UBXN7: variants seen among roughly 807,000 people sequenced by gnomAD.
The protein encoded by UBXN7 is UBX domain-containing protein 7.
In UBXN7, 9 loss-of-function variants were observed where a neutral mutation model predicts 58.0. The ratio of observed to expected loss-of-function variants is 0.16; its 90% CI spans 0.09 to 0.27. UBXN7 has a LOEUF of 0.27. Ranked by LOEUF, UBXN7 falls within the 10% of genes least tolerant of loss-of-function variation. UBXN7 has a pLI of 1.00. For missense variants in UBXN7, 328 were observed against 599.6 expected (o/e 0.55, Z 4.73); for synonymous variants, 208 against 205.0 (o/e 1.01, Z -0.12).
chr3:196,427,303 G>A (rs1730879805), intron 1 of UBXN7, among the ~76,000 whole-genome samples: 2 of 152,128 alleles, frequency 1.3e-5, no homozygotes, highest in African/African-American at 2.4e-5. Context: ...GTCTCGCTCT[G>A]TGCTCGCTTC....
At chr3:196,381,409 G>A (rs1729201562) in intron 5 of UBXN7, among the ~76,000 whole-genome samples, 1 of 152,120 alleles carries the variant, frequency 6.6e-6, no homozygotes, top group South Asian at 2.1e-4. Context: ...ACTGTTAGAA[G>A]GAAAACTAAC....
intron 3 of UBXN7, among the ~76,000 whole-genome samples, chr3:196,398,824 T>C (rs1729858052): frequency 6.6e-6 from 1 of 152,032 alleles, no homozygotes; most frequent in African/African-American, 2.4e-5. Context: ...TTTGTAGAGA[T>C]GGGGGTCTCC....
intron 4 of UBXN7, 50 bp from the exon 5 acceptor site, chr3:196,391,975 A>T (rs377214001): frequency 4.2e-5 from 26 of 625,962 alleles, no homozygotes; most frequent in Non-Finnish European, 5.8e-5. Context: ...CATGAATCAC[A>T]CTGAAAAAAA....
rs778275912 is a variant in UBXN7 at position 196,426,639 on chromosome 3, G to A, written c.73+5688C>T. On this transcript the variant is annotated intron_variant, in intron 1 of 10. Coordinates refer to ENST00000296328, the MANE Select transcript of UBXN7 (RefSeq NM_015562.2). ...CGAAGCAGGAGGATCACCTGAGGTC[G>A]GGAGTTCGAGACCAGCCTGACCAAA... Among the ~76,000 whole-genome samples, 6 of 151,844 alleles carry A rather than the reference G, an allele frequency of 4.0e-5. 1 individual carries two copies. Among genetic ancestry groups the A allele is most frequent in the South Asian group, 2.1e-4 (1 of 4,804 alleles).
Position 196,432,382 on chromosome 3 carries a change from G to A in UBXN7, c.18C>T (p.Gly6=), listed in dbSNP as rs1189392023. The A allele has an allele frequency of 3.8e-6, 6 of 1,593,728 alleles. No homozygotes were observed. The highest frequency in any genetic ancestry group is 5.1e-6 in the Non-Finnish European group (6 of 1,166,060). ...CCTTCAGCGCCGAGGACGCCGCGGA[G>A]CCCCCGTGGGCAGCCATCTTACCGC... The part of the protein sequence containing the change: MAAHG[G]SAASSALKGL... Residue 6 remains glycine (G), a synonymous_variant, in exon 1 of 11, where the codon GGC becomes GGT. Transcript: ENST00000296328.
In UBXN7 at chr3:196,432,261, G is replaced by A. The variant is rs539340601; in HGVS notation, c.73+66C>T. The A allele has an allele frequency of 1.9e-6, 3 of 1,592,910 alleles. No individual in the cohort carries two copies. The Admixed American group carries it at 5.2e-5, about 28-fold the overall frequency. On this transcript the variant is annotated intron_variant, in intron 1 of 10. Transcript: ENST00000296328. ...GAGGAATGCCTGAAGGTAAGGGGAA[G>A]CCCGGGGCAGACCCGCTGCCCGCTC...
chr3:196,365,634 A>T (rs1728643518), intron 8 of UBXN7, among the ~76,000 whole-genome samples: 2 of 152,206 alleles, frequency 1.3e-5, no homozygotes, highest in Admixed American at 1.3e-4. Context: ...GGAAGCCACA[A>T]ATTCCCAAAA....
In UBXN7 at chr3:196,432,320, C is replaced by A; in HGVS notation, c.73+7G>T. On this transcript the variant is annotated splice_region_variant and intron_variant, in intron 1 of 10. Coordinates refer to ENST00000296328, the MANE Select transcript of UBXN7 (RefSeq NM_015562.2). ...ACTCTCCACCTTCCGGTAACCGCGT[C>A]TCTTACCGGTAATGGTGGTGAACTG... 6.2e-7 allele frequency: 1 copy of A among 1,613,502 alleles called. No individual in the cohort carries two copies. Among genetic ancestry groups the A allele is most frequent in the Admixed American group, 1.7e-5 (1 of 60,020 alleles).
intron 3 of UBXN7, among the ~76,000 whole-genome samples, chr3:196,396,730 T>G (rs1729787068): frequency 6.6e-6 from 1 of 152,048 alleles, no homozygotes; most frequent in Admixed American, 6.6e-5. Context: ...ACCACTGCAC[T>G]CCAGCCTGGG....
At chr3:196,429,535 T>C (rs530224423) in intron 1 of UBXN7, among the ~76,000 whole-genome samples, 13 of 152,210 alleles carry the variant, frequency 8.5e-5, no homozygotes, top group Non-Finnish European at 1.8e-4. Flanking sequence ...ACATTTTTGA[T>C]GATGCATTTG....
chr3:196,406,523 T>A (rs983305600), intron 2 of UBXN7, among the ~76,000 whole-genome samples: 1 of 152,102 alleles, frequency 6.6e-6, no homozygotes, highest in Non-Finnish European at 1.5e-5. Context: ...CACTGCAACC[T>A]CTGCCTCCTG....
At chr3:196,412,858 C>T (rs952423020) in intron 1 of UBXN7, among the ~76,000 whole-genome samples, 2 of 152,054 alleles carry the variant, frequency 1.3e-5, no homozygotes, top group African/African-American at 4.8e-5. Context: ...ACATTTAGAG[C>T]ACTAAAAATC....
intron 1 of UBXN7, chr3:196,423,376 G>C: frequency 4.6e-6 from 1 of 217,344 alleles, no homozygotes; most frequent in South Asian, 5.1e-5. Context: ...CATGTGGACA[G>C]TGCCTGTGTG....
intron 8 of UBXN7, among the ~76,000 whole-genome samples, chr3:196,362,944 C>T (rs531409319): frequency 6.6e-6 from 1 of 152,062 alleles, no homozygotes; most frequent in Admixed American, 6.6e-5. Context: ...ACTCTTGTTG[C>T]CCAGGCTGGA....
At chr3:196,383,893 G>T (rs1729292178) in intron 5 of UBXN7, among the ~76,000 whole-genome samples, 1 of 152,124 alleles carries the variant, frequency 6.6e-6, no homozygotes, top group Admixed American at 6.6e-5. Flanking sequence ...AAAAGAACTA[G>T]AGAAGCAAGA....
chr3:196,411,262 A>G (rs115160695), intron 1 of UBXN7, among the ~76,000 whole-genome samples: 3,704 of 152,302 alleles, frequency 0.024, 73 homozygotes, highest in South Asian at 0.11. Context: ...CATGTGATCA[A>G]TGTCTGATAA....
chr3:196,386,785 C>G (rs943132671), intron 5 of UBXN7, among the ~76,000 whole-genome samples: 1 of 152,098 alleles, frequency 6.6e-6, no homozygotes, highest in African/African-American at 2.4e-5. Flanking sequence ...GGCCATATTG[C>G]CCAAAGTAAT....
At chr3:196,394,964 G>T (rs900311809) in intron 3 of UBXN7, among the ~76,000 whole-genome samples, 1 of 152,144 alleles carries the variant, frequency 6.6e-6, no homozygotes, top group Non-Finnish European at 1.5e-5. Context: ...TACAGATAAG[G>T]TGTAGAATGC....
chr3:196,420,917 T>C (rs992590943), intron 1 of UBXN7, among the ~76,000 whole-genome samples: 11 of 152,180 alleles, frequency 7.2e-5, no homozygotes, highest in African/African-American at 2.7e-4. Context: ...CACAGAGACT[T>C]TTAAAAACAA....
Sources: gnomAD v4.1 joint callset for allele counts (sites outside exome capture counted in the v4.1 genomes callset) on GRCh38, gnomAD v4.1.1 for gene constraint, MANE v1.5 for transcripts, NCBI Gene and HGNC (gene_info 2026-07-23, HGNC 2026-07-21) for gene names.